Variants in ABTB3 observed in about 807,000 individuals in gnomAD.
The protein encoded by ABTB3 is ankyrin repeat- and BTB/POZ domain-containing protein 3.
At chr12:107,502,198 G>A in the ABTB3 span, among the ~76,000 whole-genome samples, 1 of 151,900 alleles carries the variant, frequency 6.6e-6, no homozygotes, top group Non-Finnish European at 1.5e-5. Context: ...TGGAGCAGCT[G>A]GGATTACAGG....
the ABTB3 span, among the ~76,000 whole-genome samples, chr12:107,520,921 T>C: frequency 6.6e-6 from 1 of 152,186 alleles, no homozygotes; most frequent in Non-Finnish European, 1.5e-5. Context: ...AAAATATCAA[T>C]GCCTACCCAG....
At chr12:107,505,701 A>T in the ABTB3 span, among the ~76,000 whole-genome samples, 5 of 152,056 alleles carry the variant, frequency 3.3e-5, no homozygotes, top group Non-Finnish European at 5.9e-5. Flanking sequence ...CCACTCTCCA[A>T]TAGGTCCCAA....
chr12:107,593,265 G>T, the ABTB3 span, among the ~76,000 whole-genome samples: 1 of 152,164 alleles, frequency 6.6e-6, no homozygotes, highest in South Asian at 2.1e-4. Context: ...TGGCAGAGTT[G>T]AGTAGTTAGG....
the ABTB3 span, among the ~76,000 whole-genome samples, chr12:107,605,200 T>C: frequency 6.6e-6 from 1 of 152,218 alleles, no homozygotes; most frequent in East Asian, 1.9e-4. Context: ...TGGTAGATCA[T>C]TCATGGCTCA....
chr12:107,609,911 A>G, the ABTB3 span: 1 of 390,252 alleles, frequency 2.6e-6, no homozygotes, highest in Non-Finnish European at 4.8e-6. Flanking sequence ...AGAGCTTAGC[A>G]AGAGTGCCTA....
the ABTB3 span, among the ~76,000 whole-genome samples, chr12:107,566,823 C>A: frequency 6.6e-6 from 1 of 152,288 alleles, no homozygotes; most frequent in South Asian, 2.1e-4. Context: ...AGGCCAGGGG[C>A]AGTGACTCAC....
chr12:107,546,137 G>A, the ABTB3 span, among the ~76,000 whole-genome samples: 1 of 152,158 alleles, frequency 6.6e-6, no homozygotes. Flanking sequence ...TGCCTGTAAA[G>A]CTTCATGAAG....
chr12:107,600,598 A>T, the ABTB3 span, among the ~76,000 whole-genome samples: 2 of 152,306 alleles, frequency 1.3e-5, no homozygotes, highest in East Asian at 3.9e-4. Flanking sequence ...TCCCCACAAC[A>T]GCCAAACACC....
chr12:107,502,852 C>T, the ABTB3 span, among the ~76,000 whole-genome samples: 3 of 152,164 alleles, frequency 2.0e-5, no homozygotes, highest in Admixed American at 6.5e-5. Flanking sequence ...CCATCCCTGG[C>T]CCCACGACCC....
chr12:107,572,166 T>A, the ABTB3 span, among the ~76,000 whole-genome samples: 1 of 152,108 alleles, frequency 6.6e-6, no homozygotes, highest in African/African-American at 2.4e-5. Flanking sequence ...GAGAGAAGGA[T>A]GCTTGACACA....
the ABTB3 span, among the ~76,000 whole-genome samples, chr12:107,653,610 T>C: frequency 6.6e-6 from 1 of 152,180 alleles, no homozygotes; most frequent in African/African-American, 2.4e-5. Flanking sequence ...GCCCTTTTAA[T>C]GTGCAGGCAC....
chr12:107,651,748 C>T, the ABTB3 span: 1 of 1,614,146 alleles, frequency 6.2e-7, no homozygotes, highest in South Asian at 1.1e-5. Context: ...CGAAAAGCAT[C>T]AATACCGACA....
At chr12:107,658,552 A>G in the ABTB3 span, 1 of 152,682 alleles carries the variant, frequency 6.5e-6, no homozygotes, top group Non-Finnish European at 1.5e-5. Context: ...ACACCCCCAC[A>G]TAACATGCAT....
At chr12:107,367,501 A>C in the ABTB3 span, among the ~76,000 whole-genome samples, 2 of 151,776 alleles carry the variant, frequency 1.3e-5, no homozygotes, top group African/African-American at 4.8e-5. Flanking sequence ...TATTTTTATT[A>C]TTTTTATGTA....
the ABTB3 span, chr12:107,319,008 G>A: frequency 1.2e-6 from 2 of 1,613,756 alleles, no homozygotes; most frequent in Non-Finnish European, 1.7e-6. Context: ...TCGGGTTATG[G>A]TGGCGCGGCG....
chr12:107,524,799 C>T, the ABTB3 span, among the ~76,000 whole-genome samples: 1 of 152,210 alleles, frequency 6.6e-6, no homozygotes, highest in Non-Finnish European at 1.5e-5. Flanking sequence ...TCCACTCAGA[C>T]TTGAGATTCC....
the ABTB3 span, among the ~76,000 whole-genome samples, chr12:107,631,545 A>G: frequency 6.6e-6 from 1 of 152,104 alleles, no homozygotes; most frequent in Non-Finnish European, 1.5e-5. Context: ...CTTAGTTCGT[A>G]CCTGGTGTCT....
At chr12:107,612,763 T>C in the ABTB3 span, 4 of 1,606,126 alleles carry the variant, frequency 2.5e-6, no homozygotes, top group Non-Finnish European at 2.6e-6. Context: ...CGTTCTCTGG[T>C]TTTTAACTCA....
At chr12:107,392,037 C>G in the ABTB3 span, among the ~76,000 whole-genome samples, 3 of 152,208 alleles carry the variant, frequency 2.0e-5, no homozygotes, top group Non-Finnish European at 2.9e-5. Flanking sequence ...TCTCTGAGCA[C>G]CGGTTTTCTC....
Sources: gnomAD v4.1 joint callset for allele counts (sites outside exome capture counted in the v4.1 genomes callset) on GRCh38, gnomAD v4.1.1 for gene constraint, MANE v1.5 for transcripts, NCBI Gene and HGNC (gene_info 2026-07-23, HGNC 2026-07-21) for gene names.